The following ADAMTSL1 variants were observed in gnomAD, a reference collection of about 807,000 sequenced individuals.
ADAMTSL1 encodes ADAMTS-like protein 1.
ADAMTSL1 carries 126 observed loss-of-function variants against 201.8 expected under a neutral mutation model. The ratio of observed to expected loss-of-function variants is 0.62; its 90% CI spans 0.54 to 0.72. The LOEUF (loss-of-function observed/expected upper bound fraction) is 0.72, where lower values mean the gene tolerates loss of function less well. ADAMTSL1 is among the 30% of genes least tolerant of loss of function. ADAMTSL1 has a pLI of 0.00. For missense variants in ADAMTSL1, 2,679 were observed against 2,277.8 expected (o/e 1.18, Z -3.59); for synonymous variants, 1,121 against 903.4 (o/e 1.24, Z -4.32).
chr9:18,273,332 T>C (rs972897525), intron 2 of ADAMTSL1, among the ~76,000 whole-genome samples: 3 of 152,050 alleles, frequency 2.0e-5, no homozygotes, highest in Non-Finnish European at 2.9e-5. Context: ...CCGCCCGCGT[T>C]GGCCTCTCAA....
intron 2 of ADAMTSL1, among the ~76,000 whole-genome samples, chr9:18,393,378 AAG>A (rs1158953434): frequency 6.6e-6 from 1 of 152,112 alleles, no homozygotes; most frequent in Non-Finnish European, 1.5e-5. Flanking sequence ...ATTAAAGGGG[AAG>A]GTAATGACTC....
intron 2 of ADAMTSL1, among the ~76,000 whole-genome samples, chr9:18,417,442 A>C (rs1818736973): frequency 6.6e-6 from 1 of 151,600 alleles, no homozygotes; most frequent in Non-Finnish European, 1.5e-5. Context: ...TAGAGAAAAA[A>C]TCAATAAAAA....
chr9:18,618,499 T>C (rs1253017860), intron 4 of ADAMTSL1, among the ~76,000 whole-genome samples: 1 of 150,628 alleles, frequency 6.6e-6, no homozygotes, highest in Non-Finnish European at 1.5e-5. Flanking sequence ...TCAATGTAAG[T>C]TATATAATAA....
intron 8 of ADAMTSL1, among the ~76,000 whole-genome samples, chr9:18,661,226 A>G (rs1053283167): frequency 3.3e-5 from 5 of 152,276 alleles, no homozygotes; most frequent in Middle Eastern, 3.4e-3. Context: ...AACAGTGACA[A>G]TTTGTGGGTG....
chr9:18,032,075 C>T (rs868763335), intron 1 of ADAMTSL1, among the ~76,000 whole-genome samples: 10 of 152,280 alleles, frequency 6.6e-5, no homozygotes, highest in Middle Eastern at 3.4e-3. Flanking sequence ...TTGTACCAAG[C>T]CTTCTTGTGC....
intron 13 of ADAMTSL1, among the ~76,000 whole-genome samples, chr9:18,698,718 CAAG>C (rs1220221191): frequency 6.6e-6 from 1 of 152,138 alleles, no homozygotes; most frequent in Non-Finnish European, 1.5e-5. Context: ...AGAAGTATTT[CAAG>C]AAGAAGTACT....
intron 1 of ADAMTSL1, among the ~76,000 whole-genome samples, chr9:18,487,907 A>T (rs559917279): frequency 2.0e-5 from 3 of 152,118 alleles, no homozygotes; most frequent in African/African-American, 4.8e-5. Flanking sequence ...TAAGACACAA[A>T]TTTTTTTTCT....
chr9:18,675,039 C>T (rs544716975), intron 9 of ADAMTSL1, among the ~76,000 whole-genome samples: 4 of 152,286 alleles, frequency 2.6e-5, no homozygotes, highest in African/African-American at 9.6e-5. Flanking sequence ...GGAACCTCCA[C>T]ACAGCCTATG....
chr9:18,851,747 T>A (rs1826507323), intron 23 of ADAMTSL1, among the ~76,000 whole-genome samples: 1 of 152,196 alleles, frequency 6.6e-6, no homozygotes, highest in Non-Finnish European at 1.5e-5. Context: ...ACGTGTATAG[T>A]GTGTTTACTG....
At chr9:18,880,022 C>A (rs1828429869) in intron 23 of ADAMTSL1, among the ~76,000 whole-genome samples, 1 of 152,194 alleles carries the variant, frequency 6.6e-6, no homozygotes, top group Admixed American at 6.5e-5. Flanking sequence ...TTTCTTTGCT[C>A]ATCCGTAAAA....
chr9:18,867,320 A>C (rs1827594353), intron 23 of ADAMTSL1, among the ~76,000 whole-genome samples: 1 of 152,234 alleles, frequency 6.6e-6, no homozygotes, highest in African/African-American at 2.4e-5. Flanking sequence ...AATATGTTTA[A>C]ATAGGCTGGT....
chr9:18,257,231 C>T (rs554883238), intron 2 of ADAMTSL1, among the ~76,000 whole-genome samples: 2 of 151,988 alleles, frequency 1.3e-5, no homozygotes, highest in African/African-American at 4.8e-5. Flanking sequence ...TTTTTAAAAA[C>T]AAAAAGTTAT....
At chr9:17,943,942 G>A (rs1827346209) in intron 1 of ADAMTSL1, among the ~76,000 whole-genome samples, 1 of 151,946 alleles carries the variant, frequency 6.6e-6, no homozygotes, top group Admixed American at 6.6e-5. Context: ...GAACGAGAGA[G>A]AGGGAATAGG....
intron 1 of ADAMTSL1, among the ~76,000 whole-genome samples, chr9:18,127,091 C>T (rs1380877781): frequency 1.3e-5 from 2 of 152,030 alleles, no homozygotes; most frequent in Admixed American, 1.3e-4. Flanking sequence ...TAACTGGGAG[C>T]TCATTGTTAA....
intron 2 of ADAMTSL1, among the ~76,000 whole-genome samples, chr9:18,196,309 GTA>G (rs1384177413): frequency 2.6e-5 from 4 of 152,102 alleles, no homozygotes; most frequent in African/African-American, 4.8e-5. Context: ...AGGCATACGT[GTA>G]TGTGTGTGTG....
chr9:17,940,663 AT>A (rs1236677890), intron 1 of ADAMTSL1, among the ~76,000 whole-genome samples: 1 of 149,474 alleles, frequency 6.7e-6, no homozygotes, highest in Middle Eastern at 3.5e-3. Context: ...TGTCTTTTTA[AT>A]TTTATTATTA....
chr9:17,947,566 G>C (rs1001474528), intron 1 of ADAMTSL1, among the ~76,000 whole-genome samples: 1 of 152,080 alleles, frequency 6.6e-6, no homozygotes, highest in African/African-American at 2.4e-5. Flanking sequence ...AACTGAATTT[G>C]CAATTGCAGT....
At chr9:18,906,631 C>T (rs375055640) in intron 27 of ADAMTSL1, 61 bp from the exon 28 acceptor site, 3 of 1,367,624 alleles carry the variant, frequency 2.2e-6, no homozygotes, top group South Asian at 2.9e-5. Flanking sequence ...ACTATTTTCA[C>T]ATCTGCCCTG....
At chr9:18,136,335 A>C (rs993173761) in intron 1 of ADAMTSL1, among the ~76,000 whole-genome samples, 1 of 152,208 alleles carries the variant, frequency 6.6e-6, no homozygotes, top group Non-Finnish European at 1.5e-5. Flanking sequence ...CTTGGAAACC[A>C]CTGGATTAGA....
Sources: allele counts gnomAD v4.1 joint callset (sites outside exome capture counted in the v4.1 genomes callset), GRCh38; gene constraint gnomAD v4.1.1; transcripts MANE v1.5; gene names NCBI Gene and HGNC (gene_info 2026-07-23, HGNC 2026-07-21).